Variants in EIF2AK4 observed in about 807,000 individuals in gnomAD.
EIF2AK4 encodes eukaryotic translation initiation factor 2 alpha kinase 4.
EIF2AK4 carries 139 observed loss-of-function variants against 211.1 expected under a neutral mutation model. That is an observed-to-expected ratio of 0.66 (90% CI 0.57 to 0.76). The LOEUF (loss-of-function observed/expected upper bound fraction) is 0.76, where lower values mean the gene tolerates loss of function less well. Among genes scored for constraint, EIF2AK4 ranks in the 30% least tolerant of loss-of-function variants. EIF2AK4 has a pLI of 0.00. For missense variants in EIF2AK4, 1,664 were observed against 2,043.8 expected, an observed-to-expected ratio of 0.81 and a Z score of 3.58; for synonymous variants, 710 against 751.3, an observed-to-expected ratio of 0.94 and a Z score of 0.90.
chr15:39,985,668 A>G lies in EIF2AK4; in HGVS notation c.2320-137A>G. ...CTGTGAGCTTCTAAGGATAGTGGTT[A>G]TGTTCTGCTCACTGACTTCTCCCTA... On this transcript the variant is annotated intron_variant, in intron 13 of 38. Coordinates refer to ENST00000263791, the MANE Select transcript of EIF2AK4 (RefSeq NM_001013703.4). 6 of 681,490 alleles carry G rather than the reference A, an allele frequency of 8.8e-6. No homozygotes were observed. In the South Asian group the frequency reaches 1.1e-4, roughly 12 times the overall value. The allele number at this position is 681,490 out of a possible 1,614,324, so 42.2% of individuals were successfully genotyped here.
At chr15:40,033,100 A>G (rs2035565526) in intron 37 of EIF2AK4, among the ~76,000 whole-genome samples, 1 of 152,206 alleles carries the variant, frequency 6.6e-6, no homozygotes, top group African/African-American at 2.4e-5. Context: ...CCTTGTTGTA[A>G]GCATTTTACA....
At chr15:39,944,407 C>T (rs1189165113) in intron 3 of EIF2AK4, among the ~76,000 whole-genome samples, 1 of 150,304 alleles carries the variant, frequency 6.7e-6, no homozygotes, top group Non-Finnish European at 1.5e-5. Flanking sequence ...AGTGTTTTTG[C>T]CTGGCAGCTT....
intron 18 of EIF2AK4, among the ~76,000 whole-genome samples, chr15:39,995,749 ATATT>A (rs541807969): frequency 6.6e-6 from 1 of 151,090 alleles, no homozygotes; most frequent in Non-Finnish European, 1.5e-5. Context: ...AAACTTGTCT[ATATT>A]TAGGGTGTAC....
chr15:40,017,107 G>A lies in EIF2AK4; in HGVS notation c.3931-1G>A. 6.2e-7 allele frequency: 1 copy of A among 1,611,604 alleles called. No individual in the cohort carries two copies. The highest frequency in any genetic ancestry group is 1.3e-5 in the African/African-American group (1 of 74,966). ...CATTTGTGTGGCATCTCTCTTTATA[G>A]GTCTTGATCAATTTGGGCTTGGTTT... On this transcript the variant is annotated splice_acceptor_variant, in intron 28 of 38. Coordinates refer to ENST00000263791, the MANE Select transcript of EIF2AK4 (RefSeq NM_001013703.4). LOFTEE classifies it high-confidence loss of function.
chr15:39,994,987 G>A (rs1337288516), intron 18 of EIF2AK4, among the ~76,000 whole-genome samples: 3 of 151,942 alleles, frequency 2.0e-5, no homozygotes, highest in African/African-American at 7.3e-5. Context: ...GATTACAGAC[G>A]CCTGCCACCA....
intron 27 of EIF2AK4, among the ~76,000 whole-genome samples, chr15:40,015,195 C>T (rs1166225154): frequency 6.6e-6 from 1 of 152,216 alleles, no homozygotes; most frequent in African/African-American, 2.4e-5. Context: ...TTACCCAGTT[C>T]CAAAGTCACT....
chr15:39,934,509 A>G (rs1157220315), intron 1 of EIF2AK4, among the ~76,000 whole-genome samples, 170 bp downstream of exon 1: 1 of 152,218 alleles, frequency 6.6e-6, no homozygotes, highest in African/African-American at 2.4e-5. Flanking sequence ...GCTGGTCTGC[A>G]GAATCCCACC....
chr15:39,993,323 C>T (rs1371776683), intron 18 of EIF2AK4, among the ~76,000 whole-genome samples: 2 of 152,178 alleles, frequency 1.3e-5, no homozygotes, highest in African/African-American at 2.4e-5. Context: ...GGAGCTTGTC[C>T]ACTGGTGGAT....
chr15:40,002,647 A>T, intron 21 of EIF2AK4, 66 bp from the exon 22 acceptor site: 1 of 1,553,924 alleles, frequency 6.4e-7, no homozygotes, highest in Non-Finnish European at 8.9e-7. Flanking sequence ...CAAGCCACAG[A>T]TTAATATTTT....
intron 32 of EIF2AK4, 101 bp from the exon 33 acceptor site, chr15:40,025,876 C>T: frequency 8.6e-7 from 1 of 1,160,144 alleles, no homozygotes; most frequent in Non-Finnish European, 1.2e-6. Flanking sequence ...TTAAGAACCA[C>T]TGACCCAAAC....
chr15:40,034,131 A>G (rs1335396570), intron 37 of EIF2AK4, among the ~76,000 whole-genome samples, 195 bp from the exon 38 acceptor site: 1 of 151,716 alleles, frequency 6.6e-6, no homozygotes, highest in Non-Finnish European at 1.5e-5. Context: ...CTAATTAGGG[A>G]GTCTTGTTTT....
chr15:39,998,275 G>GT (rs369083938), intron 19 of EIF2AK4, among the ~76,000 whole-genome samples: 40 of 137,520 alleles, frequency 2.9e-4, no homozygotes, highest in African/African-American at 7.7e-4. Flanking sequence ...TTTTTGTTTT[G>GT]TTTTTTTTTG....
intron 9 of EIF2AK4, among the ~76,000 whole-genome samples, chr15:39,969,998 G>A (rs1169968738): frequency 1.3e-5 from 2 of 152,228 alleles, no homozygotes; most frequent in South Asian, 2.1e-4. Flanking sequence ...CCTGCCCTGC[G>A]TTTCCTCCTC....
chr15:40,016,120 C>T (rs569454089), intron 27 of EIF2AK4, among the ~76,000 whole-genome samples: 16 of 152,246 alleles, frequency 1.1e-4, no homozygotes, highest in Admixed American at 8.5e-4. Context: ...GCCTTATTGT[C>T]CCCCCATGTC....
chr15:39,983,729 A>T (rs1212762423), intron 13 of EIF2AK4, among the ~76,000 whole-genome samples: 1 of 152,206 alleles, frequency 6.6e-6, no homozygotes, highest in Admixed American at 6.5e-5. Flanking sequence ...GGCATGAGCC[A>T]CCGCGCCCGG....
At chr15:39,973,466 G>A (rs2034651674) in intron 10 of EIF2AK4, 126 bp from the exon 11 acceptor site, 1 of 991,098 alleles carries the variant, frequency 1.0e-6, no homozygotes, top group Admixed American at 2.4e-5. Context: ...AGGCCACTCA[G>A]GTAAGAGGTA....
chr15:40,018,890 G>A (rs906928937), intron 29 of EIF2AK4, among the ~76,000 whole-genome samples: 4 of 152,196 alleles, frequency 2.6e-5, no homozygotes, highest in African/African-American at 9.6e-5. Flanking sequence ...GAACAGTGCA[G>A]AGTTAGATGA....
At chr15:39,997,212 T>C (rs1166932940) in intron 19 of EIF2AK4, 147 bp downstream of exon 19, 5 of 641,482 alleles carry the variant, frequency 7.8e-6, no homozygotes, top group Non-Finnish European at 1.4e-5. Context: ...TATTCAGATA[T>C]GCAAGACTAA....
chr15:39,976,206 A>T (rs563093092), intron 11 of EIF2AK4, among the ~76,000 whole-genome samples: 1 of 152,242 alleles, frequency 6.6e-6, no homozygotes, highest in Non-Finnish European at 1.5e-5. Flanking sequence ...CAGCAAGCTA[A>T]ATATATCTAG....
Sources: gnomAD v4.1 joint callset for allele counts (sites outside exome capture counted in the v4.1 genomes callset) on GRCh38, gnomAD v4.1.1 for gene constraint, MANE v1.5 for transcripts, NCBI Gene and HGNC (gene_info 2026-07-23, HGNC 2026-07-21) for gene names.